PCDHA6: variants seen among roughly 807,000 people sequenced by gnomAD.
The protein encoded by PCDHA6 is protocadherin alpha 6, also known as protocadherin alpha-6.
A neutral mutation model predicts 60.3 loss-of-function variants in PCDHA6; 55 were observed. That is an observed-to-expected ratio of 0.91 (90% CI 0.73 to 1.14). The LOEUF (loss-of-function observed/expected upper bound fraction) is 1.14. Ranked by LOEUF, PCDHA6 falls within the 50% of genes most tolerant of loss-of-function variation. The probability of loss-of-function intolerance (pLI) is 0.00; values close to 1 mark genes in which losing one functional copy is unlikely to be tolerated. For missense variants in PCDHA6, 1,327 were observed against 1,256.5 expected (o/e 1.06, Z -0.85); for synonymous variants, 652 against 557.9 (o/e 1.17, Z -2.38).
chr5:140,866,884 T>C (rs1016288169), intron 1 of PCDHA6: 1 of 152,130 alleles, frequency 6.6e-6, no homozygotes, highest in Non-Finnish European at 1.5e-5. Flanking sequence ...TATTAGCCTA[T>C]ACCCAGATAT....
At chr5:140,882,755 G>T in intron 1 of PCDHA6, 1 of 1,614,230 alleles carries the variant, frequency 6.2e-7, no homozygotes, top group Non-Finnish European at 8.5e-7. Flanking sequence ...TGCAGATATT[G>T]GAGTAAACTC....
chr5:140,941,191 T>TTTTTTTTCTTTC (rs1554213809), intron 1 of PCDHA6, among the ~76,000 whole-genome samples: 2 of 93,204 alleles, frequency 2.1e-5, no homozygotes, highest in African/African-American at 7.9e-5. Context: ...GCTTCTTTTT[T>TTTTTTTTCTTTC]TTTCTTTCTT....
At position 140,876,690 on chromosome 5, in the gene PCDHA6, G is replaced by A. The variant is rs73793508; in HGVS notation, c.2394+46205G>A. The A allele has an allele frequency of 1.7e-3, 2,720 of 1,614,174 alleles. 43 individuals are homozygous for A. The African/African-American group carries it at 0.033, about 20-fold the overall frequency. ...TGTCCACCTACAAGAATTACTACTC[G>A]TTGGTGCTGGACAGCGCCCTGGACC... On this transcript the variant is annotated intron_variant, in intron 1 of 3. Transcript: ENST00000529310.
chr5:140,849,199 A>T (rs1581177103), intron 1 of PCDHA6: 1 of 1,039,344 alleles, frequency 9.6e-7, no homozygotes, highest in African/African-American at 2.0e-5. Flanking sequence ...GTACTGGACA[A>T]CAATGACAAT....
At chr5:140,982,628 G>A (rs2096992254) in intron 3 of PCDHA6, 65 bp downstream of exon 3, 1 of 1,578,000 alleles carries the variant, frequency 6.3e-7, no homozygotes, top group African/African-American at 1.4e-5. Flanking sequence ...ACCTACTTTT[G>A]TAAGATCAGG....
intron 1 of PCDHA6, chr5:140,868,190 A>G (rs1315604501): frequency 7.2e-5 from 11 of 152,160 alleles, no homozygotes; most frequent in African/African-American, 1.2e-4. Context: ...TTATGCTACT[A>G]TGGCTTACAT....
chr5:140,840,241 A>G (rs1237223547), intron 1 of PCDHA6, among the ~76,000 whole-genome samples: 1 of 152,048 alleles, frequency 6.6e-6, no homozygotes, highest in Non-Finnish European at 1.5e-5. Flanking sequence ...GAGAATCACT[A>G]TGCTATAAAA....
At chr5:140,941,241 T>TTCTTTCTTTCTTTCTTTCTTTC in intron 1 of PCDHA6, among the ~76,000 whole-genome samples, 2 of 140,458 alleles carry the variant, frequency 1.4e-5, no homozygotes, top group South Asian at 4.5e-4. Context: ...CTTTCTTTCT[T>TTCTTTCTTTCTTTCTTTCTTTC]TCTTTCTTTC....
Position 140,857,427 on chromosome 5 carries a change from C to A in PCDHA6, c.2394+26942C>A, listed in dbSNP as rs781871079. 21 of 1,598,334 alleles carry A rather than the reference C, an allele frequency of 1.3e-5. 1 individual carries two copies. The highest frequency in any genetic ancestry group is 4.4e-5 in the South Asian group (4 of 90,554). On this transcript the variant is annotated intron_variant, in intron 1 of 3. Transcript: ENST00000529310. ...CCTGCGTTCGCGCAGTCCGAGTACACGGTGTTCGTGAAGGAGAACAACCCG... is the reference window on the plus strand; with the variant it reads ...CCTGCGTTCGCGCAGTCCGAGTACAAGGTGTTCGTGAAGGAGAACAACCCG...
intron 1 of PCDHA6, chr5:140,927,826 G>T (rs782694866): frequency 2.5e-6 from 4 of 1,614,076 alleles, no homozygotes; most frequent in Middle Eastern, 3.3e-4. Flanking sequence ...ATACATTGAG[G>T]CGAGGGACGA....
chr5:140,965,796 A>AT (rs1377584212), intron 1 of PCDHA6, among the ~76,000 whole-genome samples: 2 of 152,134 alleles, frequency 1.3e-5, no homozygotes, highest in Non-Finnish European at 2.9e-5. Flanking sequence ...CATGGAGACT[A>AT]TTTTTTTAAA....
intron 1 of PCDHA6, chr5:140,850,022 A>T (rs2150463810): frequency 4.4e-6 from 7 of 1,596,794 alleles, no homozygotes; most frequent in Non-Finnish European, 6.0e-6. Context: ...GCTACGTGTC[A>T]GTGCACGCGG....
chr5:140,856,202 G>A lies in PCDHA6; in HGVS notation c.2394+25717G>A, dbSNP rs150172685. On this transcript the variant is annotated intron_variant, in intron 1 of 3. Coordinates refer to ENST00000529310, the MANE Select transcript of PCDHA6 (RefSeq NM_018909.4). The stretch of plus-strand genomic sequence containing the variant: ...CGTGGGCCGCATCGCGCAGGACCTG[G>A]GGCTGGAGCTGGCGGAGCTGGTGCA... 2,025 of 1,598,130 alleles carry A rather than the reference G, an allele frequency of 1.3e-3. 175 individuals carry two copies. Among genetic ancestry groups the A allele is most frequent in the Non-Finnish European group, 1.6e-3 (1,906 of 1,167,884 alleles).
At chr5:140,854,870 CTG>C (rs2043251909) in intron 1 of PCDHA6, among the ~76,000 whole-genome samples, 1 of 149,668 alleles carries the variant, frequency 6.7e-6, no homozygotes, top group African/African-American at 2.4e-5. Flanking sequence ...TATTTCAGAA[CTG>C]TGTCTTTTGG....
chr5:140,901,493 G>A (rs1407022584), intron 1 of PCDHA6, among the ~76,000 whole-genome samples: 7 of 152,016 alleles, frequency 4.6e-5, no homozygotes, highest in Admixed American at 3.9e-4. Flanking sequence ...CACCTTCATC[G>A]AAAATGAGTT....
At chr5:140,858,837 T>A (rs2045615327) in intron 1 of PCDHA6, 1 of 319,506 alleles carries the variant, frequency 3.1e-6, no homozygotes, top group Non-Finnish European at 5.9e-6. Context: ...TACCAAAAAA[T>A]TCCACTGATC....
chr5:140,871,534 T>G, intron 1 of PCDHA6: 1 of 1,514,416 alleles, frequency 6.6e-7, no homozygotes, highest in Non-Finnish European at 8.9e-7. Context: ...GAAGTGTATG[T>G]GAAATTATTT....
intron 1 of PCDHA6, chr5:140,854,215 G>A: frequency 1.5e-6 from 1 of 645,326 alleles, no homozygotes; most frequent in Non-Finnish European, 1.9e-6. Flanking sequence ...TTCAATATTG[G>A]ACATCTACAT....
chr5:141,011,085 T>C lies in PCDHA6; in HGVS notation c.*1148T>C, dbSNP rs2098419298. The C allele has an allele frequency of 6.5e-6, 1 of 153,776 alleles. No homozygotes were observed. Among genetic ancestry groups the C allele is most frequent in the Non-Finnish European group, 1.5e-5 (1 of 68,046 alleles). The allele number at this position is 153,776 out of a possible 1,614,324, so 9.5% of individuals were successfully genotyped here. A position where few individuals can be genotyped will look rare whatever the true frequency, so the allele number is the denominator to read the frequency against. ...ATGTATTACTAAATAAAATGATCTC[T>C]CTTTCTCTCTCTCTCTCTCTTTTCT... On this transcript the variant is annotated 3_prime_UTR_variant, in exon 4 of 4. Transcript: ENST00000529310.
Sources: gnomAD v4.1 joint callset for allele counts (sites outside exome capture counted in the v4.1 genomes callset) on GRCh38, gnomAD v4.1.1 for gene constraint, MANE v1.5 for transcripts, NCBI Gene and HGNC (gene_info 2026-07-23, HGNC 2026-07-21) for gene names.